SUSD6: variants seen among roughly 807,000 people sequenced by gnomAD.
SUSD6 encodes the protein sushi domain containing 6, also known as sushi domain-containing protein 6.
A neutral mutation model predicts 28.4 loss-of-function variants in SUSD6; 16 were observed. The ratio of observed to expected loss-of-function variants is 0.56; its 90% CI spans 0.38 to 0.86. The LOEUF (loss-of-function observed/expected upper bound fraction) is 0.86. SUSD6 is among the 40% of genes least tolerant of loss of function. SUSD6 has a pLI of 0.00. For synonymous variants in SUSD6, 147 were observed against 159.6 expected, an observed-to-expected ratio of 0.92 and a Z score of 0.59; for missense variants, 341 against 384.2, an observed-to-expected ratio of 0.89 and a Z score of 0.94.
At chr14:69,639,008 C>T (rs187887083) in intron 1 of SUSD6, among the ~76,000 whole-genome samples, 63 of 152,208 alleles carry the variant, frequency 4.1e-4, no homozygotes, top group East Asian at 1.2e-3. Context: ...GGTCCTTGCC[C>T]GTTTCTCTTT....
intron 1 of SUSD6, among the ~76,000 whole-genome samples, chr14:69,646,698 A>ATTTT (rs1566594288): frequency 3.4e-5 from 2 of 58,288 alleles, no homozygotes; most frequent in African/African-American, 5.0e-5. Context: ...TTTTTTTTCC[A>ATTTT]TCTTTTTTTT....
At chr14:69,650,614 G>C (rs1312571289) in intron 1 of SUSD6, among the ~76,000 whole-genome samples, 1 of 152,176 alleles carries the variant, frequency 6.6e-6, no homozygotes, top group Non-Finnish European at 1.5e-5. Flanking sequence ...GACAGGCTTT[G>C]TTCCTGCTCA....
chr14:69,621,520 C>T (rs1375932504), intron 1 of SUSD6, among the ~76,000 whole-genome samples: 1 of 152,122 alleles, frequency 6.6e-6, no homozygotes, highest in Non-Finnish European at 1.5e-5. Context: ...ACTATAGGGT[C>T]CCCTTATTAT....
At chr14:69,666,428 T>G (rs1275746) in intron 2 of SUSD6, among the ~76,000 whole-genome samples, 13,184 of 152,296 alleles carry the variant, frequency 0.087, 772 homozygotes, top group East Asian at 0.12. Flanking sequence ...AATATGAGAA[T>G]GCCAAGGATC....
At chr14:69,684,427 T>C (rs1365927315) in intron 2 of SUSD6, among the ~76,000 whole-genome samples, 1 of 152,208 alleles carries the variant, frequency 6.6e-6, no homozygotes, top group Non-Finnish European at 1.5e-5. Flanking sequence ...GAAAATATTT[T>C]GAGAGAGATT....
intron 2 of SUSD6, among the ~76,000 whole-genome samples, chr14:69,679,691 C>T (rs888257985): frequency 6.6e-6 from 1 of 151,946 alleles, no homozygotes; most frequent in African/African-American, 2.4e-5. Context: ...ATTGGACACC[C>T]CTGGTGTAAA....
At position 69,648,304 on chromosome 14, in the gene SUSD6, C is replaced by T. The variant is rs370503576; in HGVS notation, c.-80-10209C>T. 5.6e-3 allele frequency among the ~76,000 whole-genome samples: 851 copies of T among 152,264 alleles called. 7 individuals carry two copies. The highest frequency in any genetic ancestry group is 8.7e-3 in the Non-Finnish European group (595 of 68,014). On this transcript the variant is annotated intron_variant, in intron 1 of 5. Transcript: ENST00000342745. ...AAAGAGAATGCTGAAGTAGCTATCA[C>T]GCAGAGAGATGAAGCAGCCTCCTTG... is the stretch of plus-strand genomic sequence containing the variant.
chr14:69,642,475 G>C (rs147180128), intron 1 of SUSD6, among the ~76,000 whole-genome samples: 1 of 152,192 alleles, frequency 6.6e-6, no homozygotes, highest in African/African-American at 2.4e-5. Flanking sequence ...GGCTGGGGAG[G>C]CCTCAGAATC....
In SUSD6 at chr14:69,689,505, A is replaced by T. The variant is rs551753579; in HGVS notation, c.122-13890A>T. On this transcript the variant is annotated intron_variant, in intron 2 of 5. Transcript: ENST00000342745. The stretch of plus-strand genomic sequence containing the variant: ...GCTCCTTATCTGTATTCCCAAAGAG[A>T]CTGAAGTCTCCTCAAGGGCACACCA... 2.0e-5 allele frequency among the ~76,000 whole-genome samples: 3 copies of T among 152,304 alleles called. No individual in the cohort carries two copies. In the East Asian group the frequency reaches 5.8e-4, roughly 29 times the overall value.
intron 1 of SUSD6, among the ~76,000 whole-genome samples, chr14:69,617,913 T>TA (rs1345537963): frequency 6.6e-6 from 1 of 151,738 alleles, no homozygotes; most frequent in Admixed American, 6.6e-5. Flanking sequence ...AGAGTGCTCT[T>TA]TAGAGCAGCC....
At chr14:69,630,610 A>G (rs762335976) in intron 1 of SUSD6, among the ~76,000 whole-genome samples, 3 of 152,284 alleles carry the variant, frequency 2.0e-5, no homozygotes, top group Non-Finnish European at 4.4e-5. Flanking sequence ...ATGTTTATTC[A>G]ATTTCCAAAC....
At chr14:69,635,700 G>C (rs1024643235) in intron 1 of SUSD6, among the ~76,000 whole-genome samples, 1 of 151,470 alleles carries the variant, frequency 6.6e-6, no homozygotes, top group Admixed American at 6.6e-5. Flanking sequence ...TAGAACACAG[G>C]GTTCCCATTA....
At chr14:69,674,438 AT>A (rs374483664) in intron 2 of SUSD6, among the ~76,000 whole-genome samples, 52 of 151,830 alleles carry the variant, frequency 3.4e-4, no homozygotes, top group East Asian at 2.9e-3. Context: ...CTTTGTACTC[AT>A]TTTTACTCCT....
chr14:69,672,965 C>T (rs548926284), intron 2 of SUSD6, among the ~76,000 whole-genome samples: 1 of 152,360 alleles, frequency 6.6e-6, no homozygotes, highest in Non-Finnish European at 1.5e-5. Flanking sequence ...TTGTACTTCC[C>T]TGCCTCTGGT....
chr14:69,696,756 A>G (rs553937955), intron 2 of SUSD6, among the ~76,000 whole-genome samples: 1 of 152,338 alleles, frequency 6.6e-6, no homozygotes, highest in East Asian at 1.9e-4. Context: ...GTGGTGACTG[A>G]GAACTTGAAA....
rs1478215850 is a variant in SUSD6, at chr14:69,623,036, G to T, written c.-81+11208G>T. On this transcript the variant is annotated intron_variant, in intron 1 of 5. Coordinates refer to ENST00000342745, the MANE Select transcript of SUSD6 (RefSeq NM_014734.4). ...GTAGTAGTGATGTTCAGTCAGCTGG[G>T]GTTCAAATGCTAAATCAGACACCGG... Among the ~76,000 whole-genome samples the T allele has an allele frequency of 2.0e-5, 3 of 152,166 alleles. No homozygotes were observed. The East Asian group carries it at 5.8e-4, about 29-fold the overall frequency.
intron 1 of SUSD6, among the ~76,000 whole-genome samples, chr14:69,612,899 T>C (rs1884902349): frequency 6.6e-6 from 1 of 152,222 alleles, no homozygotes; most frequent in Non-Finnish European, 1.5e-5. Flanking sequence ...TTTTCGTTCC[T>C]CTGGTGTAAA....
At chr14:69,653,837 A>G (rs6573896) in intron 1 of SUSD6, among the ~76,000 whole-genome samples, 2 of 139,578 alleles carry the variant, frequency 1.4e-5, no homozygotes, top group Admixed American at 1.6e-4. Context: ...AAGGCAGATT[A>G]TTTCTTAAAA....
At chr14:69,666,253 G>A (rs1842828936) in intron 2 of SUSD6, among the ~76,000 whole-genome samples, 1 of 152,318 alleles carries the variant, frequency 6.6e-6, no homozygotes, top group East Asian at 1.9e-4. Context: ...AGTGGTAAAT[G>A]CCCTTCTGAG....
Sources: allele counts gnomAD v4.1 joint callset (sites outside exome capture counted in the v4.1 genomes callset), GRCh38; gene constraint gnomAD v4.1.1; transcripts MANE v1.5; gene names NCBI Gene and HGNC (gene_info 2026-07-23, HGNC 2026-07-21).